The following PRDM13 variants were observed in gnomAD, a reference collection of about 807,000 sequenced individuals.
PRDM13 encodes the protein PR domain zinc finger protein 13.
Under a neutral mutation model 36.4 loss-of-function variants are expected in PRDM13, and 15 were observed. The observed-to-expected ratio is 0.41, with a 90% CI of 0.28 to 0.64. The LOEUF is 0.64. PRDM13 is among the 30% of genes least tolerant of loss of function. The probability of loss-of-function intolerance (pLI) is 0.29; values close to 1 mark genes in which losing one functional copy is unlikely to be tolerated. For missense variants in PRDM13, 1,044 were observed against 1,013.5 expected (o/e 1.03, Z -0.41); for synonymous variants, 531 against 467.7 (o/e 1.14, Z -1.75).
In PRDM13 at chr6:99,607,457, T is replaced by C. The variant is rs762913135; in HGVS notation, c.144+279T>C. On this transcript the variant is annotated intron_variant, in intron 1 of 3. Coordinates refer to ENST00000369215, the MANE Select transcript of PRDM13 (RefSeq NM_021620.4). ...CCGGGACCATTCGCAGCTTGTGTTTTCCCCTGCGCTCTCGGGTCTCCTCAG... is the reference window on the plus strand; with the variant it reads ...CCGGGACCATTCGCAGCTTGTGTTTCCCCCTGCGCTCTCGGGTCTCCTCAG... Among the ~76,000 whole-genome samples, 167 of 152,132 alleles carry C rather than the reference T, an allele frequency of 1.1e-3. 1 individual carries two copies. In the Middle Eastern group the frequency reaches 0.02, roughly 19 times the overall value.
intron 3 of PRDM13, among the ~76,000 whole-genome samples, chr6:99,611,610 T>C (rs764991280): frequency 8.5e-5 from 13 of 152,178 alleles, no homozygotes; most frequent in Non-Finnish European, 1.8e-4. Context: ...CACTTGAGTT[T>C]TCACAGGTCT....
chr6:99,614,867 G>A lies in PRDM13; in HGVS notation c.*108G>A. 7.2e-7 allele frequency: 1 copy of A among 1,392,944 alleles called. No individual in the cohort carries two copies. The allele number at this position is 1,392,944 out of a possible 1,614,324, so 86.3% of individuals were successfully genotyped here. On this transcript the variant is annotated 3_prime_UTR_variant, in exon 4 of 4. Transcript: ENST00000369215. The stretch of plus-strand genomic sequence containing the variant: ...GAAGAGGGACCCAATGGACAAAACC[G>A]TTTTTGTTTTTGAGAGGGCGCCAGA...
chr6:99,614,851 C>G lies in PRDM13; in HGVS notation c.*92C>G. ...GAACTCCTGGTGGTGGGAAGAGGGA[C>G]CCAATGGACAAAACCGTTTTTGTTT... On this transcript the variant is annotated 3_prime_UTR_variant, in exon 4 of 4. Coordinates refer to ENST00000369215, the MANE Select transcript of PRDM13 (RefSeq NM_021620.4). The G allele has an allele frequency of 6.8e-7, 1 of 1,471,178 alleles. No homozygotes were observed. 91.1% of individuals were successfully genotyped at this position (1,471,178 alleles called of 1,614,324 possible).
At position 99,606,885 on chromosome 6, in the gene PRDM13, G is replaced by A; in HGVS notation, c.-150G>A. On this transcript the variant is annotated 5_prime_UTR_variant, in exon 1 of 4. Coordinates refer to ENST00000369215, the MANE Select transcript of PRDM13 (RefSeq NM_021620.4). ...AAAAGGCTCCCGCCCCGATTGAAAAGGCGCAGTGCATGCCCGCCCGCGTCA... is the reference window on the plus strand; with the variant it reads ...AAAAGGCTCCCGCCCCGATTGAAAAAGCGCAGTGCATGCCCGCCCGCGTCA... The A allele has an allele frequency of 2.8e-6, 3 of 1,057,474 alleles. No individual in the cohort carries two copies. Among genetic ancestry groups the A allele is most frequent in the Admixed American group, 3.1e-5 (1 of 32,458 alleles). 65.5% of individuals were successfully genotyped at this position (1,057,474 alleles called of 1,614,324 possible). A position where few individuals can be genotyped will look rare whatever the true frequency, so the allele number is the denominator to read the frequency against.
intron 3 of PRDM13, among the ~76,000 whole-genome samples, chr6:99,612,467 T>C (rs1181217699): frequency 1.3e-5 from 2 of 152,168 alleles, no homozygotes; most frequent in Non-Finnish European, 2.9e-5. Context: ...TGTTTAAGGC[T>C]GGAAGGGGGT....
In PRDM13 at chr6:99,613,697, TCACCACCACGCG is replaced by T. The variant is rs1197043084; in HGVS notation, c.1072_1083del (p.Ala358_His361del). 2.8e-6 allele frequency: 4 copies of T among 1,430,328 alleles called. No individual in the cohort carries two copies. The highest frequency in any genetic ancestry group is 3.1e-5 in the African/African-American group (2 of 65,170). 88.6% of individuals were successfully genotyped at this position (1,430,328 alleles called of 1,614,324 possible). Reference sequence around the variant, plus strand: ...CGGCGGGCGGCGCGGGTCACCACCATCACCACCACGCGCACCACCACCACCATCCCAAGTGCC... The same window carrying T: ...CGGCGGGCGGCGCGGGTCACCACCATCACCACCACCACCATCCCAAGTGCC... On this transcript the variant is annotated inframe_deletion, in exon 4 of 4. Coordinates refer to ENST00000369215, the MANE Select transcript of PRDM13 (RefSeq NM_021620.4). The surrounding 1 kb of genome is among the most constrained non-coding windows in gnomAD (Gnocchi z 6.1).
chr6:99,608,896 C>A (rs752161821), intron 2 of PRDM13, 24 bp downstream of exon 2: 15 of 1,597,040 alleles, frequency 9.4e-6, no homozygotes, highest in South Asian at 2.3e-5. Flanking sequence ...CTCTCCACAC[C>A]CCCCCACTCC....
rs1374356388 is a variant in PRDM13, at chr6:99,613,594, A to C, written c.959A>C (p.Gln320Pro). 8 of 1,495,820 alleles carry C rather than the reference A, an allele frequency of 5.3e-6. No individual in the cohort carries two copies. The highest frequency in any genetic ancestry group is 6.2e-6 in the Non-Finnish European group (7 of 1,132,276). 92.7% of individuals were successfully genotyped at this position (1,495,820 alleles called of 1,614,324 possible). Reference protein sequence around the residue: ...DPYREESSSKQGAGLALGRLL... With the variant: ...DPYREESSSKPGAGLALGRLL... ...TACCGGGAGGAGAGCAGCAGCAAGC[A>C]AGGAGCCGGCCTCGCTTTGGGCAGG... The change falls in exon 4 of 4, where the codon CAA becomes CCA. Residue 320 changes from glutamine (Q) to proline (P), a missense_variant. Gln to Pro is a moderately conservative substitution (Grantham distance 76). Coordinates refer to ENST00000369215, the MANE Select transcript of PRDM13 (RefSeq NM_021620.4). This position sits in a 1 kb window ranked among gnomAD's most constrained non-coding sequence, Gnocchi z 6.1.
At position 99,613,979 on chromosome 6, in the gene PRDM13, G is replaced by C; in HGVS notation, c.1344G>C (p.Pro448=). 1 of 1,605,190 alleles carries C rather than the reference G, an allele frequency of 6.2e-7. No individual in the cohort carries two copies. Among genetic ancestry groups the C allele is most frequent in the African/African-American group, 1.4e-5 (1 of 73,746 alleles). ...ACCCGGGCGGTCTCAAAGCCTATCC[G>C]GGTGGTGAGTGCAGCCACCTGCCCG... ...PLDPGGLKAY[P]GGECSHLPAV... is the part of the protein sequence containing the mutation. Residue 448 remains proline (P), a synonymous_variant, in exon 4 of 4, where the codon CCG becomes CCC. Transcript: ENST00000369215. The surrounding 1 kb of genome is among the most constrained non-coding windows in gnomAD (Gnocchi z 6.1).
rs1562509466 is a variant in PRDM13 at position 99,614,728 on chromosome 6, AG to A, written c.2095del (p.Val699LeufsTer19). 2 of 1,584,760 alleles carry A rather than the reference AG, an allele frequency of 1.3e-6. No individual in the cohort carries two copies. Among genetic ancestry groups the A allele is most frequent in the Admixed American group, 1.8e-5 (1 of 55,772 alleles). ...TTCACAGACGACCAGAGCGACCCCG[AG>A]GTTGGGGGCGGCGGGGAGCGCGACT... Reference protein sequence around the residue: ...VCFTDDQSDPEVGGGGERDL With the variant: ...VCFTDDQSDPXVGGGGERDL On this transcript the variant is annotated frameshift_variant, in exon 4 of 4. Coordinates refer to ENST00000369215, the MANE Select transcript of PRDM13 (RefSeq NM_021620.4). LOFTEE classifies it high-confidence loss of function.
rs1212085337 is a variant in PRDM13, at chr6:99,614,163, G to T, written c.1528G>T (p.Ala510Ser). Residue 510 changes from alanine (A) to serine (S), a missense_variant, in exon 4 of 4, where the codon GCC becomes TCC. By Grantham distance (99) the Ala-to-Ser change is moderately conservative (BLOSUM62 1). Around this residue, in one of 3 missense-constraint regions of PRDM13, gnomAD observed 921 missense variants for 865.2 expected, o/e 1.06. Coordinates refer to ENST00000369215, the MANE Select transcript of PRDM13 (RefSeq NM_021620.4). The stretch of plus-strand genomic sequence containing the variant: ...GCCTGCAGCGGCCGCCCTAAGCCCC[G>T]CCGAGCTGGGGTCGCTGGCCAGCAT... ...SGPAAAALSPAELGSLASIDR... is the reference protein window; with the variant it reads ...SGPAAAALSPSELGSLASIDR... 1 of 1,600,934 alleles carries T rather than the reference G, an allele frequency of 6.2e-7. No homozygotes were observed. Among genetic ancestry groups the T allele is most frequent in the South Asian group, 1.1e-5 (1 of 90,634 alleles).
rs766358855 is a variant in PRDM13 at position 99,613,273 on chromosome 6, T to TGGGCCCGCCACCAGTTC, written c.639_655dup (p.Gln219ArgfsTer49). ...GCAGGAACTTTGCGACCCCACCCCC[T>TGGGCCCGCCACCAGTTC]GGGCCCGCCACCAGTTCAGGCCTGC... is the stretch of plus-strand genomic sequence containing the variant. On this transcript the variant is annotated frameshift_variant, in exon 4 of 4. Coordinates refer to ENST00000369215, the MANE Select transcript of PRDM13 (RefSeq NM_021620.4). LOFTEE classifies it low-confidence loss of function (END_TRUNC). This position sits in a 1 kb window ranked among gnomAD's most constrained non-coding sequence, Gnocchi z 6.1. The TGGGCCCGCCACCAGTTC allele has an allele frequency of 2.5e-6, 4 of 1,595,480 alleles. No homozygotes were observed. The Admixed American group carries it at 6.9e-5, about 27-fold the overall frequency.
In PRDM13 at chr6:99,614,444, CAA is replaced by C; in HGVS notation, c.1811_1812del (p.Lys604SerfsTer81). 1 of 1,613,630 alleles carries C rather than the reference CAA, an allele frequency of 6.2e-7. No individual in the cohort carries two copies. The highest frequency in any genetic ancestry group is 8.5e-7 in the Non-Finnish European group (1 of 1,180,014). On this transcript the variant is annotated frameshift_variant, in exon 4 of 4. Transcript: ENST00000369215. LOFTEE classifies it high-confidence loss of function. ...ACACGGGCTACAAGCCACTCAAGTG[CAA>C]AGTCTGTCTGCGGCCCTTCGGCGAC... ...THTGYKPLKC[K>X]VCLRPFGDPS...
At position 99,609,249 on chromosome 6, in the gene PRDM13, C is replaced by T. The variant is rs769965960; in HGVS notation, c.339C>T (p.Asn113=). ...PGEELTVWYS[N]SLAQWFDIPT... ...AGGAGCTGACAGTGTGGTATTCTAACTCCTTGGCTCAGTGGTTCGACATCC... is the reference window on the plus strand; with the variant it reads ...AGGAGCTGACAGTGTGGTATTCTAATTCCTTGGCTCAGTGGTTCGACATCC... Residue 113 remains asparagine, a synonymous_variant, in exon 3 of 4, where the codon AAC becomes AAT. Coordinates refer to ENST00000369215, the MANE Select transcript of PRDM13 (RefSeq NM_021620.4). The T allele has an allele frequency of 1.2e-6, 2 of 1,613,800 alleles. No homozygotes were observed. The highest frequency in any genetic ancestry group is 1.1e-5 in the South Asian group (1 of 91,070).
chr6:99,608,061 G>C (rs1424495420), intron 1 of PRDM13, among the ~76,000 whole-genome samples: 1 of 152,220 alleles, frequency 6.6e-6, no homozygotes, highest in East Asian at 1.9e-4. Context: ...GCCTTGCTTG[G>C]AGCTTTCTAG....
chr6:99,612,803 C>T (rs1260692596), intron 3 of PRDM13, among the ~76,000 whole-genome samples: 1 of 152,166 alleles, frequency 6.6e-6, no homozygotes, highest in African/African-American at 2.4e-5. Flanking sequence ...GGAAAGGCCC[C>T]GTCACCTTTT....
In PRDM13 at chr6:99,613,866, G is replaced by T; in HGVS notation, c.1231G>T (p.Ala411Ser). 1 of 1,509,334 alleles carries T rather than the reference G, an allele frequency of 6.6e-7. No homozygotes were observed. Among genetic ancestry groups the T allele is most frequent in the South Asian group, 1.2e-5 (1 of 80,814 alleles). The allele number at this position is 1,509,334 out of a possible 1,614,324, so 93.5% of individuals were successfully genotyped here. A position where few individuals can be genotyped will look rare whatever the true frequency, so the allele number is the denominator to read the frequency against. The change falls in exon 4 of 4, where the codon GCA becomes TCA. Residue 411 changes from alanine to serine, a missense_variant. Physicochemically the swap from Ala to Ser is moderately conservative, Grantham distance 99 (BLOSUM62 1). This residue lies in a region of PRDM13 where 921 missense variants were observed against 865.2 expected (regional missense o/e 1.06). Transcript: ENST00000369215. The surrounding 1 kb of genome is among the most constrained non-coding windows in gnomAD (Gnocchi z 6.1). Reference sequence around the variant, plus strand: ...CAAGCACGTGGAGCGCGCCCCGCCCGCAGCCGCCGCGCTGCCAGGAGCGCG... The same window carrying T: ...CAAGCACGTGGAGCGCGCCCCGCCCTCAGCCGCCGCGCTGCCAGGAGCGCG... ...AFKHVERAPP[A>S]AAALPGARYA...
chr6:99,612,828 G>GT (rs1390757808), intron 3 of PRDM13, among the ~76,000 whole-genome samples: 5 of 152,192 alleles, frequency 3.3e-5, no homozygotes, highest in African/African-American at 1.2e-4. Flanking sequence ...CCTCCGAGTA[G>GT]TCCCAGAGGA....
rs1367932321 is a variant in PRDM13 at position 99,607,151 on chromosome 6, C to A, written c.117C>A (p.Asp39Glu). Reference protein sequence around the residue: ...GTFKLGKYLSDRREPGPKKKV... With the variant: ...GTFKLGKYLSERREPGPKKKV... Reference sequence around the variant, plus strand: ...TCAAGCTGGGCAAGTACCTGTCAGACCGCAGGGAGCCCGGGCCTAAGAAAA... The same window carrying A: ...TCAAGCTGGGCAAGTACCTGTCAGAACGCAGGGAGCCCGGGCCTAAGAAAA... The change falls in exon 1 of 4, where the codon GAC (aspartate) becomes GAA (glutamate). Residue 39 changes from aspartate (D) to glutamate (E), a missense_variant. Physicochemically the swap from Asp to Glu is conservative, Grantham distance 45. Coordinates refer to ENST00000369215, the MANE Select transcript of PRDM13 (RefSeq NM_021620.4). 1 of 1,613,780 alleles carries A rather than the reference C, an allele frequency of 6.2e-7. No homozygotes were observed. The highest frequency in any genetic ancestry group is 8.5e-7 in the Non-Finnish European group (1 of 1,180,010).
Sources: allele counts gnomAD v4.1 joint callset (sites outside exome capture counted in the v4.1 genomes callset), GRCh38; gene constraint gnomAD v4.1.1; regional missense constraint gnomAD v4.1.1; non-coding constraint Gnocchi (gnomAD v3.1); transcripts MANE v1.5; gene names NCBI Gene and HGNC (gene_info 2026-07-23, HGNC 2026-07-21).